The following APOO variants were observed in gnomAD, a reference collection of about 807,000 sequenced individuals.
APOO encodes the protein MICOS complex subunit MIC26.
In APOO, 11 loss-of-function variants were observed where a neutral mutation model predicts 23.1. The observed-to-expected ratio is 0.48, with a 90% CI of 0.30 to 0.79. The LOEUF (loss-of-function observed/expected upper bound fraction) is 0.79, where lower values mean the gene tolerates loss of function less well. APOO is among the 30% of genes least tolerant of loss of function. The probability of loss-of-function intolerance (pLI) is 0.07; values close to 1 mark genes in which losing one functional copy is unlikely to be tolerated. For missense variants in APOO, 160 were observed against 142.7 expected (o/e 1.12, Z -0.62); for synonymous variants, 59 against 54.8 (o/e 1.08, Z -0.34).
intron 5 of APOO, among the ~76,000 whole-genome samples, chrX:23,860,985 A>T (rs1014926930): frequency 2.7e-5 from 3 of 110,713 alleles, no homozygotes; most frequent in Non-Finnish European, 5.7e-5. Context: ...ACAAAAAATT[A>T]AAAAATTAGT....
At chrX:23,904,953 G>A (rs1927290482) in intron 1 of APOO, among the ~76,000 whole-genome samples, 1 of 110,838 alleles carries the variant, frequency 9.0e-6, no homozygotes, top group African/African-American at 3.3e-5. Flanking sequence ...TTTCTCCCTC[G>A]ATTTTCTAAA....
intron 1 of APOO, among the ~76,000 whole-genome samples, chrX:23,906,508 G>C (rs776202095): frequency 8.9e-6 from 1 of 112,219 alleles, no homozygotes; most frequent in Non-Finnish European, 1.9e-5. Context: ...TACACTGTTG[G>C]TACACATATA....
At chrX:23,840,501 TTTA>T in intron 7 of APOO, 124 bp from the exon 8 acceptor site, 1 of 539,389 alleles carries the variant, frequency 1.9e-6, no homozygotes, top group Non-Finnish European at 2.9e-6. Flanking sequence ...GTCAAACCAT[TTTA>T]TTGAGGACTT....
At chrX:23,877,309 C>A (rs6526357) in intron 3 of APOO, among the ~76,000 whole-genome samples, 5,417 of 111,928 alleles carry the variant, frequency 0.048, 327 homozygotes, top group African/African-American at 0.17. Flanking sequence ...TGTTTAAAGT[C>A]TTTAGGTATT....
Position 23,842,534 on chromosome X carries a change from T to G in APOO, c.562-2157A>C, listed in dbSNP as rs147603824. Reference sequence around the variant, plus strand: ...AAAACTTAAAAAAAAATCAAAACATTGATTTCTAATTAGTATGACTGCCAT... The same window carrying G: ...AAAACTTAAAAAAAAATCAAAACATGGATTTCTAATTAGTATGACTGCCAT... On this transcript the variant is annotated intron_variant, in intron 7 of 8. Coordinates refer to ENST00000379226, the MANE Select transcript of APOO (RefSeq NM_024122.5). Among the ~76,000 whole-genome samples, 258 of 112,094 alleles carry G rather than the reference T, an allele frequency of 2.3e-3. 4 individuals carry two copies. Among genetic ancestry groups the G allele is most frequent in the Admixed American group, 0.019 (203 of 10,526 alleles).
At chrX:23,846,628 CAAA>C (rs59513332) in intron 7 of APOO, among the ~76,000 whole-genome samples, 2 of 40,352 alleles carry the variant, frequency 5.0e-5, no homozygotes, top group African/African-American at 7.9e-5. Context: ...GACTCCATCT[CAAA>C]AAAAAAAAAA....
At chrX:23,853,682 G>A (rs1187575112) in intron 7 of APOO, among the ~76,000 whole-genome samples, 2 of 109,089 alleles carry the variant, frequency 1.8e-5, no homozygotes, top group Non-Finnish European at 3.8e-5. Flanking sequence ...CTGGAGTGCA[G>A]TGGGGTGAAC....
At chrX:23,862,078 A>G (rs1925077177) in intron 5 of APOO, among the ~76,000 whole-genome samples, 1 of 111,041 alleles carries the variant, frequency 9.0e-6, no homozygotes, top group South Asian at 3.8e-4. Flanking sequence ...TGCTGGGATT[A>G]CAGGTGAAAG....
rs535762420 is a variant in APOO at position 23,842,957 on chromosome X, A to G, written c.562-2580T>C. Among the ~76,000 whole-genome samples, 17 of 112,076 alleles carry G rather than the reference A, an allele frequency of 1.5e-4. No individual in the cohort carries two copies. In the South Asian group the frequency reaches 1.8e-3, roughly 12 times the overall value. On this transcript the variant is annotated intron_variant, in intron 7 of 8. Transcript: ENST00000379226. ...CAGGAGGCGGAGGTTGCAGTGAGCCAAGATCACGCCATTGCACTCCAGCCT... is the reference window on the plus strand; with the variant it reads ...CAGGAGGCGGAGGTTGCAGTGAGCCGAGATCACGCCATTGCACTCCAGCCT...
intron 3 of APOO, among the ~76,000 whole-genome samples, chrX:23,876,110 A>T (rs1193060691): frequency 9.1e-6 from 1 of 110,019 alleles, no homozygotes; most frequent in Admixed American, 9.8e-5. Context: ...AGAAATACAA[A>T]AAAATTAGCC....
intron 4 of APOO, among the ~76,000 whole-genome samples, chrX:23,871,977 C>T (rs780672500): frequency 1.8e-5 from 2 of 111,709 alleles, no homozygotes; most frequent in African/African-American, 6.5e-5. Context: ...TACTGTCTGG[C>T]CTGTTACTTA....
intron 1 of APOO, among the ~76,000 whole-genome samples, chrX:23,886,935 A>C (rs1286509222): frequency 3.6e-5 from 4 of 111,594 alleles, no homozygotes; most frequent in Non-Finnish European, 7.5e-5. Context: ...GAATCACCCC[A>C]GGACAGTGTA....
intron 7 of APOO, among the ~76,000 whole-genome samples, chrX:23,848,010 G>A (rs1372629289): frequency 1.8e-5 from 2 of 108,743 alleles, no homozygotes; most frequent in East Asian, 5.7e-4. Flanking sequence ...CCGAGTAGCT[G>A]GAACTACAGG....
intron 8 of APOO, among the ~76,000 whole-genome samples, chrX:23,838,502 C>T (rs953537817): frequency 1.3e-4 from 14 of 108,544 alleles, no homozygotes; most frequent in African/African-American, 4.7e-4. Flanking sequence ...CTGCAACCTC[C>T]GCCTCCTGGG....
chrX:23,845,998 T>C (rs761953677), intron 7 of APOO, among the ~76,000 whole-genome samples: 51 of 112,104 alleles, frequency 4.5e-4, no homozygotes, highest in African/African-American at 1.5e-3. Flanking sequence ...TACTGCTGTG[T>C]TTAGCTAATT....
At chrX:23,866,661 C>T (rs898232411) in intron 5 of APOO, among the ~76,000 whole-genome samples, 2 of 110,965 alleles carry the variant, frequency 1.8e-5, no homozygotes, top group African/African-American at 6.6e-5. Flanking sequence ...TGGTGGCAGG[C>T]GCCTGTAATC....
chrX:23,902,245 AAGTG>A, intron 1 of APOO, among the ~76,000 whole-genome samples: 1 of 111,720 alleles, frequency 9.0e-6, no homozygotes, highest in Non-Finnish European at 1.9e-5. Context: ...CTGTGCTGGT[AAGTG>A]CATTGTGAGC....
chrX:23,848,844 C>T (rs377132513), intron 7 of APOO, among the ~76,000 whole-genome samples: 37 of 101,465 alleles, frequency 3.6e-4, no homozygotes, highest in East Asian at 2.2e-3. Flanking sequence ...TGCCACCATG[C>T]GCGGCTGATT....
chrX:23,901,522 A>ACCTCAATGAATAGT (rs1927132240), intron 1 of APOO, among the ~76,000 whole-genome samples: 9 of 110,368 alleles, frequency 8.2e-5, no homozygotes, highest in East Asian at 5.7e-4. Flanking sequence ...CAATGAATAG[A>ACCTCAATGAATAGT]TCCCACAGTC....
Sources: allele counts gnomAD v4.1 joint callset (sites outside exome capture counted in the v4.1 genomes callset), GRCh38; gene constraint gnomAD v4.1.1; transcripts MANE v1.5; gene names NCBI Gene and HGNC (gene_info 2026-07-23, HGNC 2026-07-21).